Variants in ROBO1 observed in about 807,000 individuals in gnomAD.
The protein encoded by ROBO1 is roundabout guidance receptor 1, also known as roundabout homolog 1.
ROBO1 carries 149 observed loss-of-function variants against 195.9 expected under a neutral mutation model. The observed-to-expected ratio is 0.76, with a 90% CI of 0.67 to 0.87. ROBO1 has a LOEUF of 0.87. Among genes scored for constraint, ROBO1 ranks in the 40% least tolerant of loss-of-function variants. ROBO1 has a pLI of 0.00. For synonymous variants in ROBO1, 816 were observed against 733.2 expected (o/e 1.11, Z -1.82); for missense variants, 1,933 against 2,068.3 (o/e 0.93, Z 1.27).
chr3:79,192,572 ATGTGTTTTAG>A (rs1220925110), intron 2 of ROBO1, among the ~76,000 whole-genome samples: 1 of 151,538 alleles, frequency 6.6e-6, no homozygotes. Context: ...AACATGGGTG[ATGTGTTTTAG>A]GCGGTGGGTG....
chr3:79,651,132 G>A (rs1173593653), intron 1 of ROBO1, among the ~76,000 whole-genome samples: 1 of 151,886 alleles, frequency 6.6e-6, no homozygotes, highest in African/African-American at 2.4e-5. Flanking sequence ...ATATGTTTAT[G>A]TTTTCAAATA....
At chr3:78,599,822 C>G (rs1213950716) in intron 30 of ROBO1, among the ~76,000 whole-genome samples, 1 of 152,222 alleles carries the variant, frequency 6.6e-6, no homozygotes, top group Admixed American at 6.5e-5. Flanking sequence ...TCTAGATCAA[C>G]AGCTCTTACT....
At chr3:79,137,654 T>A (rs1305483997) in intron 2 of ROBO1, among the ~76,000 whole-genome samples, 7 of 152,070 alleles carry the variant, frequency 4.6e-5, no homozygotes, top group Admixed American at 4.6e-4. Flanking sequence ...CATCAGTATT[T>A]CCGTTTTCAA....
At position 79,063,142 on chromosome 3, in the gene ROBO1, TAAAC is replaced by T. The variant is rs138854026; in HGVS notation, c.172+62310_172+62313del. Among the ~76,000 whole-genome samples the T allele has an allele frequency of 5.3e-3, 807 of 151,858 alleles. 16 individuals are homozygous for T. Among genetic ancestry groups the T allele is most frequent in the African/African-American group, 0.018 (756 of 41,450 alleles). Reference sequence around the variant, plus strand: ...CATGAACATAGCCACAGAAAATAAATAAACAGACAGGTGTAGCTGTGTTCCCATA... The same window carrying T: ...CATGAACATAGCCACAGAAAATAAATAGACAGGTGTAGCTGTGTTCCCATA... On this transcript the variant is annotated intron_variant, in intron 3 of 30. Transcript: ENST00000464233.
intron 23 of ROBO1, chr3:78,634,569 A>G (rs1394871282): frequency 6.9e-6 from 2 of 290,468 alleles, no homozygotes; most frequent in Non-Finnish European, 1.5e-5. Flanking sequence ...AATAAATCAG[A>G]GTTCTGAAAT....
At chr3:79,079,557 C>A (rs2079234043) in intron 3 of ROBO1, among the ~76,000 whole-genome samples, 1 of 151,622 alleles carries the variant, frequency 6.6e-6, no homozygotes, top group Non-Finnish European at 1.5e-5. Context: ...AAATGGAGAA[C>A]AAAATTCATC....
intron 2 of ROBO1, among the ~76,000 whole-genome samples, chr3:79,435,355 G>A (rs1301653337): frequency 6.6e-6 from 1 of 152,066 alleles, no homozygotes; most frequent in African/African-American, 2.4e-5. Context: ...TGTGTAGCTG[G>A]GATTACAGGT....
At chr3:79,325,932 T>C (rs1407824539) in intron 2 of ROBO1, among the ~76,000 whole-genome samples, 2 of 152,106 alleles carry the variant, frequency 1.3e-5, no homozygotes, top group African/African-American at 4.8e-5. Flanking sequence ...CTGAATTCTT[T>C]TTCTCAGCAA....
At chr3:79,498,938 G>T (rs1430657582) in intron 2 of ROBO1, among the ~76,000 whole-genome samples, 1 of 151,934 alleles carries the variant, frequency 6.6e-6, no homozygotes, top group East Asian at 1.9e-4. Context: ...TATATCCCTT[G>T]TTTACTCATT....
intron 1 of ROBO1, among the ~76,000 whole-genome samples, chr3:79,675,325 T>A (rs1049673703): frequency 2.0e-5 from 3 of 152,022 alleles, no homozygotes; most frequent in Admixed American, 1.3e-4. Context: ...AAAGCAAAAG[T>A]ATGTCTAAGA....
chr3:79,528,634 A>G (rs1559966980), intron 2 of ROBO1, among the ~76,000 whole-genome samples: 1 of 152,208 alleles, frequency 6.6e-6, no homozygotes. Context: ...CCATGTCAAA[A>G]GTAAGTGTCT....
At chr3:78,953,686 A>G (rs995207171) in intron 3 of ROBO1, among the ~76,000 whole-genome samples, 2 of 152,014 alleles carry the variant, frequency 1.3e-5, no homozygotes, top group Admixed American at 1.3e-4. Flanking sequence ...GGGGAAAGTA[A>G]TTAAAACTAG....
chr3:79,027,933 C>A (rs746215836), intron 3 of ROBO1, among the ~76,000 whole-genome samples: 1 of 152,032 alleles, frequency 6.6e-6, no homozygotes, highest in South Asian at 2.1e-4. Flanking sequence ...AATCTTATCA[C>A]CAAAAACAGG....
At chr3:78,972,653 C>A (rs2076794401) in intron 3 of ROBO1, among the ~76,000 whole-genome samples, 1 of 152,094 alleles carries the variant, frequency 6.6e-6, no homozygotes, top group Non-Finnish European at 1.5e-5. Flanking sequence ...TGTTAAGGGA[C>A]AAATAGAAAT....
At chr3:79,260,940 T>C (rs2082927830) in intron 2 of ROBO1, among the ~76,000 whole-genome samples, 1 of 152,146 alleles carries the variant, frequency 6.6e-6, no homozygotes, top group Non-Finnish European at 1.5e-5. Context: ...TAATTTAGTA[T>C]GGATTTTCTC....
At chr3:79,509,417 G>A (rs188278470) in intron 2 of ROBO1, among the ~76,000 whole-genome samples, 3 of 152,172 alleles carry the variant, frequency 2.0e-5, no homozygotes, top group African/African-American at 7.2e-5. Context: ...AAGCTGCTGG[G>A]ATATGGGGTT....
chr3:79,362,922 G>T (rs2035824253), intron 2 of ROBO1, among the ~76,000 whole-genome samples: 2 of 152,044 alleles, frequency 1.3e-5, no homozygotes, highest in African/African-American at 4.8e-5. Flanking sequence ...AGACCCAATT[G>T]CTCTTAGAGG....
intron 1 of ROBO1, among the ~76,000 whole-genome samples, chr3:79,736,980 A>C (rs921796922): frequency 3.9e-5 from 6 of 152,220 alleles, no homozygotes; most frequent in African/African-American, 7.2e-5. Flanking sequence ...TCTCTCAAAC[A>C]CATTTCAGTT....
intron 2 of ROBO1, among the ~76,000 whole-genome samples, chr3:79,551,493 T>G (rs1354313315): frequency 6.6e-6 from 1 of 152,140 alleles, no homozygotes; most frequent in African/African-American, 2.4e-5. Flanking sequence ...AAATTTGTTG[T>G]GAAAATGTCC....
Sources: gnomAD v4.1 joint callset for allele counts (sites outside exome capture counted in the v4.1 genomes callset) on GRCh38, gnomAD v4.1.1 for gene constraint, MANE v1.5 for transcripts, NCBI Gene and HGNC (gene_info 2026-07-23, HGNC 2026-07-21) for gene names.